The following MB variants were observed in gnomAD, a reference collection of about 807,000 sequenced individuals.
The protein encoded by MB is myoglobin.
A neutral mutation model predicts 14.5 loss-of-function variants in MB; 10 were observed. That is an observed-to-expected ratio of 0.69 (90% CI 0.43 to 1.17). MB has a LOEUF of 1.17. Among genes scored for constraint, MB ranks in the 50% most tolerant of loss-of-function variants. MB has a pLI of 0.00. For synonymous variants in MB, 89 were observed against 78.6 expected, an observed-to-expected ratio of 1.13 and a Z score of -0.70; for missense variants, 169 against 192.7, an observed-to-expected ratio of 0.88 and a Z score of 0.73.
At chr22:35,611,508 C>T (rs1445124682) in intron 1 of MB, among the ~76,000 whole-genome samples, 1 of 152,200 alleles carries the variant, frequency 6.6e-6, no homozygotes, top group African/African-American at 2.4e-5. Flanking sequence ...TCTGCAGCTT[C>T]CTGCCCAGGG....
At chr22:35,612,972 T>C (rs1488549541) in intron 1 of MB, among the ~76,000 whole-genome samples, 1 of 151,492 alleles carries the variant, frequency 6.6e-6, no homozygotes, top group Non-Finnish European at 1.5e-5. Flanking sequence ...CCACATACAC[T>C]CCCTTCCCCC....
intron 2 of MB, among the ~76,000 whole-genome samples, chr22:35,609,822 A>G (rs1922456186): frequency 6.6e-6 from 1 of 152,384 alleles, no homozygotes; most frequent in South Asian, 2.1e-4. Flanking sequence ...CTTCCCGTGC[A>G]GACAGGATGG....
intron 2 of MB, among the ~76,000 whole-genome samples, chr22:35,610,045 C>CT: frequency 6.6e-6 from 1 of 152,322 alleles, no homozygotes; most frequent in East Asian, 1.9e-4. Context: ...CAAATGCTCA[C>CT]TGTGGCCCAT....
chr22:35,613,937 T>C (rs548892340), intron 1 of MB, among the ~76,000 whole-genome samples: 4 of 152,320 alleles, frequency 2.6e-5, no homozygotes, highest in Non-Finnish European at 5.9e-5. Flanking sequence ...AGAAGGCCAT[T>C]CTCCTGGATT....
At chr22:35,609,267 G>A (rs1922391387) in intron 2 of MB, among the ~76,000 whole-genome samples, 1 of 152,204 alleles carries the variant, frequency 6.6e-6, no homozygotes, top group South Asian at 2.1e-4. Flanking sequence ...GCCATGACCG[G>A]AGATGAAGAT....
At chr22:35,615,940 C>T (rs1299068033) in intron 1 of MB, among the ~76,000 whole-genome samples, 1 of 152,170 alleles carries the variant, frequency 6.6e-6, no homozygotes, top group Admixed American at 6.5e-5. Context: ...GCACGGATCA[C>T]CAACGGCTCA....
At chr22:35,617,521 G>A (rs1185915842), upstream of MB, 1 of 499,124 alleles carries the variant, frequency 2.0e-6, no homozygotes, top group African/African-American at 2.0e-5. Flanking sequence ...GGCGAGGCAG[G>A]ACAGCTCAGG....
upstream of MB, among the ~76,000 whole-genome samples, chr22:35,619,340 G>A (rs893005238): frequency 1.3e-5 from 2 of 152,214 alleles, no homozygotes; most frequent in Non-Finnish European, 2.9e-5. Context: ...CAACACCTCT[G>A]TGAGGTAGCG....
chr22:35,614,865 G>C (rs1309706921), intron 1 of MB, among the ~76,000 whole-genome samples: 1 of 152,120 alleles, frequency 6.6e-6, no homozygotes, highest in Non-Finnish European at 1.5e-5. Flanking sequence ...ACCACCACTG[G>C]TGATTTTCAA....
In MB at chr22:35,607,070, C is replaced by G. The variant is rs1922194179; in HGVS notation, c.*227G>C. On this transcript the variant is annotated 3_prime_UTR_variant, in exon 3 of 3. Transcript: ENST00000397326. ...CCAAACCATGCAGAACACAGTGAGC[C>G]AAGGGCCACTCCCGGTTCCCAGGGT... is the stretch of plus-strand genomic sequence containing the variant. 5 of 485,284 alleles carry G rather than the reference C, an allele frequency of 1.0e-5. No homozygotes were observed. Among genetic ancestry groups the G allele is most frequent in the Non-Finnish European group, 1.8e-5 (5 of 272,340 alleles). 30.1% of individuals were successfully genotyped at this position (485,284 alleles called of 1,614,324 possible).
rs1351525827 is a variant in MB at position 35,610,844 on chromosome 22, C to T, written c.318+40G>A. ...CAGATCCCATTGCCCCACCCGAGGC[C>T]TTCCCCGCATCCTCCCACCTGCCCA... On this transcript the variant is annotated intron_variant, in intron 2 of 2. Coordinates refer to ENST00000397326, the MANE Select transcript of MB (RefSeq NM_005368.3). The T allele has an allele frequency of 5.1e-6, 8 of 1,553,692 alleles. No homozygotes were observed. In the African/African-American group the frequency reaches 8.9e-5, roughly 17 times the overall value.
At chr22:35,610,129 G>T (rs1922488750) in intron 2 of MB, among the ~76,000 whole-genome samples, 1 of 152,142 alleles carries the variant, frequency 6.6e-6, no homozygotes, top group South Asian at 2.1e-4. Context: ...ACCCTCGGGG[G>T]ATGCACCTGT....
At position 35,612,929 on chromosome 22, in the gene MB, G is replaced by GCA. The variant is rs550850602; in HGVS notation, c.96-1825_96-1824dup. 1.4e-3 allele frequency among the ~76,000 whole-genome samples: 209 copies of GCA among 152,046 alleles called. 1 individual carries two copies. The Middle Eastern group carries it at 0.027, about 20-fold the overall frequency. ...ATCCCAGCACACGCCATACTCACCT[G>GCA]CACACACACACAGAGACACGCACAA... On this transcript the variant is annotated intron_variant, in intron 1 of 2. Transcript: ENST00000397326.
At chr22:35,617,404 C>A, upstream of MB, 1 of 620,360 alleles carries the variant, frequency 1.6e-6, no homozygotes, top group Non-Finnish European at 2.9e-6. Context: ...GCTCGCTGTC[C>A]CCCTCCCCTG....
intron 2 of MB, among the ~76,000 whole-genome samples, chr22:35,609,493 T>G (rs1307453425): frequency 6.6e-6 from 1 of 152,070 alleles, no homozygotes; most frequent in Non-Finnish European, 1.5e-5. Flanking sequence ...TCTGCGCAAT[T>G]GTGGGGTGGG....
intron 1 of MB, among the ~76,000 whole-genome samples, chr22:35,614,904 C>T (rs1266706274): frequency 6.6e-6 from 1 of 152,142 alleles, no homozygotes; most frequent in East Asian, 1.9e-4. Context: ...ATCCTTTGTT[C>T]CCCCCGCTCC....
intron 1 of MB, among the ~76,000 whole-genome samples, chr22:35,612,483 AACCTCC>A (rs1166061363): frequency 6.6e-6 from 1 of 152,094 alleles, no homozygotes. Context: ...TGCTCACCGC[AACCTCC>A]ACCTCCTGGG....
In MB at chr22:35,608,211, G is replaced by A. The variant is rs1569118183; in HGVS notation, c.319-768C>T. ...TTTAGGGATGGAAAGACTCATGGAT[G>A]TGAAATGCGGCTGTGCTTTCTCAAG... On this transcript the variant is annotated intron_variant, in intron 2 of 2. Transcript: ENST00000397326. The surrounding 1 kb of genome is among the most constrained non-coding windows in gnomAD (Gnocchi z 4.3). Among the ~76,000 whole-genome samples the A allele has an allele frequency of 6.6e-6, 1 of 152,246 alleles. No individual in the cohort carries two copies. Among genetic ancestry groups the A allele is most frequent in the Non-Finnish European group, 1.5e-5 (1 of 68,040 alleles).
upstream of MB, among the ~76,000 whole-genome samples, chr22:35,617,821 T>C (rs143977660): frequency 2.0e-5 from 3 of 152,200 alleles, no homozygotes; most frequent in Admixed American, 6.5e-5. Flanking sequence ...AGGAACCGGA[T>C]GGTTTTGTGC....
Sources: gnomAD v4.1 joint callset for allele counts (sites outside exome capture counted in the v4.1 genomes callset) on GRCh38, gnomAD v4.1.1 for gene constraint, Gnocchi (gnomAD v3.1) non-coding constraint, MANE v1.5 for transcripts, NCBI Gene and HGNC (gene_info 2026-07-23, HGNC 2026-07-21) for gene names.